Variants in ARFGEF2 observed in about 807,000 individuals in gnomAD.
ARFGEF2 encodes brefeldin A-inhibited guanine nucleotide-exchange protein 2.
In ARFGEF2, 74 loss-of-function variants were observed where a neutral mutation model predicts 219.9. The observed-to-expected ratio is 0.34, with a 90% CI of 0.28 to 0.41. ARFGEF2 has a LOEUF of 0.41. ARFGEF2 is among the 10% of genes least tolerant of loss of function. ARFGEF2 has a pLI of 1.00. For missense variants in ARFGEF2, 1,743 were observed against 2,218.3 expected (o/e 0.79, Z 4.30); for synonymous variants, 733 against 799.2 (o/e 0.92, Z 1.40).
rs1320402450 is a variant in ARFGEF2 at position 48,921,868 on chromosome 20, C to T, written c.-22C>T. 2.6e-6 allele frequency: 4 copies of T among 1,515,008 alleles called. No homozygotes were observed. The East Asian group carries it at 8.2e-5, about 31-fold the overall frequency. The allele number at this position is 1,515,008 out of a possible 1,614,324, so 93.8% of individuals were successfully genotyped here. Reference sequence around the variant, plus strand: ...TCACGCCGCCCGCCCGCGGGGCCGTCAGCCCCCGCCGGGCCGGGGCCATGC... The same window carrying T: ...TCACGCCGCCCGCCCGCGGGGCCGTTAGCCCCCGCCGGGCCGGGGCCATGC... On this transcript the variant is annotated 5_prime_UTR_variant, in exon 1 of 39. Transcript: ENST00000371917.
At chr20:48,930,606 G>A (rs1013295832) in intron 1 of ARFGEF2, among the ~76,000 whole-genome samples, 6 of 152,302 alleles carry the variant, frequency 3.9e-5, no homozygotes, top group Non-Finnish European at 8.8e-5. Context: ...TGTGGGAAGA[G>A]GACTACATGG....
rs544397961 is a variant in ARFGEF2, at chr20:48,951,391, C to T, written c.345C>T (p.Ile115=). ...PDSGAPGKRL[I]DRIVETICSC... The stretch of plus-strand genomic sequence containing the variant: ...GTGGAGCCCCTGGGAAGCGGCTGAT[C>T]GACAGAATTGTTGAAACCATTTGCA... Residue 115 remains isoleucine, a synonymous_variant, in exon 4 of 39, where the codon ATC becomes ATT. Transcript: ENST00000371917. 8 of 1,614,084 alleles carry T rather than the reference C, an allele frequency of 5.0e-6. No homozygotes were observed. Among genetic ancestry groups the T allele is most frequent in the African/African-American group, 1.3e-5 (1 of 74,922 alleles).
In ARFGEF2 at chr20:48,989,552, A is replaced by G. The variant is rs756383177; in HGVS notation, c.2686-4A>G. 1.7e-5 allele frequency: 28 copies of G among 1,614,106 alleles called. No individual in the cohort carries two copies. Among genetic ancestry groups the G allele is most frequent in the East Asian group, 2.2e-5 (1 of 44,904 alleles). ...ATGTTATTGAAATCTTCCTTCCATGATAGCTGGTGTGGACGCCACTATTGG... is the reference window on the plus strand; with the variant it reads ...ATGTTATTGAAATCTTCCTTCCATGGTAGCTGGTGTGGACGCCACTATTGG... On this transcript the variant is annotated splice_polypyrimidine_tract_variant and splice_region_variant and intron_variant, in intron 19 of 38. Coordinates refer to ENST00000371917, the MANE Select transcript of ARFGEF2 (RefSeq NM_006420.3).
chr20:48,995,433 G>A (rs774064442), intron 22 of ARFGEF2, among the ~76,000 whole-genome samples: 2 of 152,284 alleles, frequency 1.3e-5, no homozygotes, highest in South Asian at 2.1e-4. Flanking sequence ...AGCACACCAA[G>A]CATTCAGCAG....
chr20:48,990,637 G>A (rs1009495830), intron 20 of ARFGEF2, among the ~76,000 whole-genome samples: 4 of 152,182 alleles, frequency 2.6e-5, no homozygotes, highest in African/African-American at 7.2e-5. Flanking sequence ...CTCCAACCAT[G>A]TGACATTGGC....
intron 6 of ARFGEF2, among the ~76,000 whole-genome samples, chr20:48,961,016 G>T (rs535929394): frequency 2.4e-3 from 357 of 150,642 alleles, no homozygotes; most frequent in African/African-American, 8.3e-3. Context: ...GGAGGCGGAG[G>T]TTGCAGTGAA....
In ARFGEF2 at chr20:48,974,846, T is replaced by C. The variant is rs760880805; in HGVS notation, c.1746T>C (p.Tyr582=). Residue 582 remains tyrosine, a synonymous_variant, in exon 13 of 39, where the codon TAT becomes TAC. Coordinates refer to ENST00000371917, the MANE Select transcript of ARFGEF2 (RefSeq NM_006420.3). ...TGGTGGAGTGGAGCAAAGACCTGTATGTGAATCCCAACCACCAGACCAGCC... is the reference window on the plus strand; with the variant it reads ...TGGTGGAGTGGAGCAAAGACCTGTACGTGAATCCCAACCACCAGACCAGCC... The part of the protein sequence containing the change: ...KCMVEWSKDL[Y]VNPNHQTSLG... The C allele has an allele frequency of 1.9e-6, 3 of 1,613,960 alleles. No homozygotes were observed. The South Asian group carries it at 3.3e-5, about 18-fold the overall frequency.
At chr20:48,994,344 C>T in intron 21 of ARFGEF2, 107 bp from the exon 22 acceptor site, 1 of 1,328,758 alleles carries the variant, frequency 7.5e-7, no homozygotes, top group Non-Finnish European at 1.1e-6. Context: ...ATCTATATGG[C>T]ATAACTCCAT....
intron 36 of ARFGEF2, among the ~76,000 whole-genome samples, chr20:49,026,596 T>TG (rs2091604820): frequency 6.6e-6 from 1 of 150,572 alleles, no homozygotes; most frequent in African/African-American, 2.4e-5. Flanking sequence ...TTTTTTTTTT[T>TG]TTTTTTTGAG....
intron 11 of ARFGEF2, among the ~76,000 whole-genome samples, 166 bp from the exon 12 acceptor site, chr20:48,972,979 C>T (rs1034995513): frequency 6.6e-6 from 1 of 152,182 alleles, no homozygotes; most frequent in East Asian, 1.9e-4. Context: ...AAAACAACCT[C>T]CTGTCTTCCA....
chr20:48,960,701 T>C (rs2091143120), intron 6 of ARFGEF2, among the ~76,000 whole-genome samples: 2 of 151,388 alleles, frequency 1.3e-5, no homozygotes, highest in Middle Eastern at 3.2e-3. Flanking sequence ...CAGGCTGGTC[T>C]CGAACTCCAG....
intron 38 of ARFGEF2, 122 bp from the exon 39 acceptor site, chr20:49,032,901 C>A: frequency 1.9e-6 from 2 of 1,035,926 alleles, no homozygotes; most frequent in Admixed American, 4.1e-5. Context: ...CCCCAACTTT[C>A]TAATAGCAAG....
At chr20:49,011,251 A>T (rs966538224) in intron 27 of ARFGEF2, among the ~76,000 whole-genome samples, 5 of 152,216 alleles carry the variant, frequency 3.3e-5, no homozygotes, top group African/African-American at 1.2e-4. Flanking sequence ...TGATCAGCTG[A>T]TGAAAATGTT....
intron 25 of ARFGEF2, among the ~76,000 whole-genome samples, chr20:49,004,489 CAAAAGAAAAAA>C (rs940560950): frequency 1.7e-4 from 25 of 148,616 alleles, no homozygotes; most frequent in African/African-American, 5.9e-4. Context: ...AGTTTAATAG[CAAAAGAAAAAA>C]AAAAGAAAAG....
intron 26 of ARFGEF2, among the ~76,000 whole-genome samples, chr20:49,007,199 G>A (rs1276821929): frequency 6.6e-6 from 1 of 152,012 alleles, no homozygotes; most frequent in Non-Finnish European, 1.5e-5. Flanking sequence ...TGGCCATGGA[G>A]CATAAAGGAA....
At position 48,984,635 on chromosome 20, in the gene ARFGEF2, A is replaced by C. The variant is rs2091316205; in HGVS notation, c.1959-94A>C. On this transcript the variant is annotated intron_variant, in intron 14 of 38. Coordinates refer to ENST00000371917, the MANE Select transcript of ARFGEF2 (RefSeq NM_006420.3). ...CTAGCTTATACGTGATGGCATGTTC[A>C]TAGTATTCTATTATTATTTATCTCA... 2.0e-6 allele frequency: 3 copies of C among 1,483,498 alleles called. No individual in the cohort carries two copies. In the African/African-American group the frequency reaches 4.2e-5, roughly 21 times the overall value. 91.9% of individuals were successfully genotyped at this position (1,483,498 alleles called of 1,614,324 possible).
At chr20:48,977,009 G>T (rs975715389) in intron 14 of ARFGEF2, among the ~76,000 whole-genome samples, 3 of 149,092 alleles carry the variant, frequency 2.0e-5, no homozygotes, top group Admixed American at 1.3e-4. Flanking sequence ...TTAAGTTCTA[G>T]GGTACGTGTG....
At chr20:48,940,408 G>GA (rs1407448515) in intron 1 of ARFGEF2, among the ~76,000 whole-genome samples, 3 of 152,112 alleles carry the variant, frequency 2.0e-5, no homozygotes, top group East Asian at 1.9e-4. Context: ...TGTGAAAAAA[G>GA]AAAAAATCAT....
At chr20:48,924,905 A>G (rs2090867172) in intron 1 of ARFGEF2, among the ~76,000 whole-genome samples, 2 of 152,212 alleles carry the variant, frequency 1.3e-5, no homozygotes. Context: ...AAAACTTGGC[A>G]TGTAGTAGGT....
Sources: allele counts gnomAD v4.1 joint callset (sites outside exome capture counted in the v4.1 genomes callset), GRCh38; gene constraint gnomAD v4.1.1; transcripts MANE v1.5; gene names NCBI Gene and HGNC (gene_info 2026-07-23, HGNC 2026-07-21).